Variants in ATRN observed in about 807,000 individuals in gnomAD.
ATRN encodes the protein attractin-2.
A neutral mutation model predicts 178.7 loss-of-function variants in ATRN; 54 were observed. That is an observed-to-expected ratio of 0.30 (90% CI 0.24 to 0.38). ATRN has a LOEUF of 0.38. Ranked by LOEUF, ATRN falls within the 10% of genes least tolerant of loss-of-function variation. ATRN has a pLI of 1.00. For synonymous variants in ATRN, 636 were observed against 663.0 expected, an observed-to-expected ratio of 0.96 and a Z score of 0.63; for missense variants, 1,443 against 1,815.1, an observed-to-expected ratio of 0.79 and a Z score of 3.73.
At chr20:3,512,336 C>A (rs2085146163) in intron 1 of ATRN, among the ~76,000 whole-genome samples, 1 of 149,402 alleles carries the variant, frequency 6.7e-6, no homozygotes, top group African/African-American at 2.5e-5. Context: ...CAATTCCCAC[C>A]TATGAGTGAG....
At chr20:3,540,479 C>T (rs113848995) in intron 3 of ATRN, 144 bp downstream of exon 3, 241 of 580,444 alleles carry the variant, frequency 4.2e-4, no homozygotes, top group African/African-American at 4.1e-3. Context: ...TCAGTCCCAT[C>T]ACTTGTGTGT....
intron 24 of ATRN, among the ~76,000 whole-genome samples, chr20:3,622,647 A>G (rs1488900311): frequency 6.6e-6 from 1 of 152,220 alleles, no homozygotes; most frequent in Non-Finnish European, 1.5e-5. Flanking sequence ...GCAGGGTTAG[A>G]TGTTTCTAAG....
intron 19 of ATRN, among the ~76,000 whole-genome samples, chr20:3,592,757 C>G (rs2086467625): frequency 1.3e-5 from 2 of 152,156 alleles, no homozygotes; most frequent in South Asian, 4.1e-4. Flanking sequence ...GTTCAGTTTC[C>G]TCCTAATAAT....
At chr20:3,575,208 C>T (rs960143605) in intron 12 of ATRN, among the ~76,000 whole-genome samples, 5 of 152,142 alleles carry the variant, frequency 3.3e-5, no homozygotes, top group Admixed American at 6.5e-5. Context: ...GTGATCCGCC[C>T]GCCTCGGCCT....
intron 7 of ATRN, 35 bp downstream of exon 7, chr20:3,559,518 T>G: frequency 1.9e-6 from 3 of 1,541,530 alleles, no homozygotes; most frequent in South Asian, 1.1e-5. Context: ...AGCAAGAAAC[T>G]AAGTTTTCCT....
intron 1 of ATRN, among the ~76,000 whole-genome samples, chr20:3,525,919 G>T (rs960074234): frequency 2.0e-5 from 3 of 152,090 alleles, no homozygotes; most frequent in Admixed American, 6.6e-5. Flanking sequence ...TAAGAGCTAT[G>T]TATGACAGAC....
chr20:3,627,473 A>G (rs952154741), intron 25 of ATRN, among the ~76,000 whole-genome samples: 1 of 152,234 alleles, frequency 6.6e-6, no homozygotes. Flanking sequence ...GCAAAAATTA[A>G]TGATCTAAGG....
chr20:3,492,168 A>AGAGTGTGTGTGT (rs1555807807), intron 1 of ATRN, among the ~76,000 whole-genome samples: 1 of 140,588 alleles, frequency 7.1e-6, no homozygotes, highest in Non-Finnish European at 1.5e-5. Flanking sequence ...TAGATAGGGG[A>AGAGTGTGTGTGT]GTGTGTGTGT....
chr20:3,506,725 C>T (rs1337270762), intron 1 of ATRN, among the ~76,000 whole-genome samples: 2 of 151,534 alleles, frequency 1.3e-5, no homozygotes, highest in African/African-American at 4.9e-5. Context: ...CACACATACA[C>T]AAGTCAGTTT....
intron 1 of ATRN, among the ~76,000 whole-genome samples, chr20:3,513,140 T>C (rs1187181059): frequency 6.6e-6 from 1 of 152,222 alleles, no homozygotes; most frequent in Admixed American, 6.5e-5. Flanking sequence ...ATTTTAGCTT[T>C]TGTTACCATT....
At chr20:3,484,519 G>A (rs1219332872) in intron 1 of ATRN, among the ~76,000 whole-genome samples, 2 of 152,092 alleles carry the variant, frequency 1.3e-5, no homozygotes. Context: ...GGTTGTTGCA[G>A]TTCCATTTAT....
chr20:3,478,282 A>G (rs2084558344), intron 1 of ATRN, among the ~76,000 whole-genome samples: 1 of 152,156 alleles, frequency 6.6e-6, no homozygotes, highest in Non-Finnish European at 1.5e-5. Flanking sequence ...CACAATAGCA[A>G]AGACTTGGAA....
intron 4 of ATRN, among the ~76,000 whole-genome samples, chr20:3,546,389 G>GTTTTTT (rs559052230): frequency 4.4e-5 from 5 of 113,404 alleles, no homozygotes; most frequent in African/African-American, 6.4e-5. Context: ...TAGTTCAACT[G>GTTTTTT]TTTTTTTTTT....
chr20:3,489,836 A>C, intron 1 of ATRN: 1 of 1,259,414 alleles, frequency 7.9e-7, no homozygotes, highest in Non-Finnish European at 1.2e-6. Flanking sequence ...TATTTAGGCC[A>C]TGAAGCTTAT....
At chr20:3,517,959 T>G (rs1487834929) in intron 1 of ATRN, among the ~76,000 whole-genome samples, 1 of 152,212 alleles carries the variant, frequency 6.6e-6, no homozygotes, top group Non-Finnish European at 1.5e-5. Flanking sequence ...TGACCTTTAT[T>G]TTCAACATCT....
chr20:3,635,205 C>T lies in ATRN; in HGVS notation c.3942+816C>T, dbSNP rs1379019125. ...AATGATACAGTGGATTTTGAGGACT[C>T]GGGGGAAAGAGTGGGAGGGGGATGA... On this transcript the variant is annotated intron_variant, in intron 26 of 28. Transcript: ENST00000262919. Among the ~76,000 whole-genome samples the T allele has an allele frequency of 3.3e-5, 5 of 151,018 alleles. No homozygotes were observed. The East Asian group carries it at 5.8e-4, about 18-fold the overall frequency.
intron 11 of ATRN, among the ~76,000 whole-genome samples, chr20:3,568,179 T>C (rs1161263878): frequency 6.6e-6 from 1 of 151,762 alleles, no homozygotes; most frequent in Non-Finnish European, 1.5e-5. Context: ...TAGTCCCAGC[T>C]TCTCGGGAGG....
intron 1 of ATRN, among the ~76,000 whole-genome samples, chr20:3,475,442 A>G (rs1397394993): frequency 6.6e-6 from 1 of 152,212 alleles, no homozygotes; most frequent in East Asian, 1.9e-4. Flanking sequence ...CATTTTTTCT[A>G]AATAAAAGAT....
chr20:3,649,177 G>A lies in ATRN; in HGVS notation c.*2330G>A, dbSNP rs756452222. The A allele has an allele frequency of 5.3e-5, 8 of 152,368 alleles. No individual in the cohort carries two copies. Among genetic ancestry groups the A allele is most frequent in the Non-Finnish European group, 1.0e-4 (7 of 68,026 alleles). 9.4% of individuals were successfully genotyped at this position (152,368 alleles called of 1,614,324 possible). A position where few individuals can be genotyped will look rare whatever the true frequency, so the allele number is the denominator to read the frequency against. ...GGGCAGAAAAAGGGAATGGCAGGGA[G>A]TAAGAGGCGCTGGGCTCGGAGCCTG... On this transcript the variant is annotated 3_prime_UTR_variant, in exon 29 of 29. Coordinates refer to ENST00000262919, the MANE Select transcript of ATRN (RefSeq NM_139321.3).
Sources: allele counts gnomAD v4.1 joint callset (sites outside exome capture counted in the v4.1 genomes callset), GRCh38; gene constraint gnomAD v4.1.1; transcripts MANE v1.5; gene names NCBI Gene and HGNC (gene_info 2026-07-23, HGNC 2026-07-21).